Variants in DOP1B observed in about 807,000 individuals in gnomAD.
The protein encoded by DOP1B is protein DOP1B.
Under a neutral mutation model 233.5 loss-of-function variants are expected in DOP1B, and 174 were observed. The ratio of observed to expected loss-of-function variants is 0.75; its 90% CI spans 0.66 to 0.85. The LOEUF is 0.85. DOP1B is among the 40% of genes least tolerant of loss of function. DOP1B has a pLI of 0.00. For synonymous variants in DOP1B, 1,190 were observed against 1,185.6 expected (o/e 1.00, Z -0.08); for missense variants, 2,652 against 2,846.6 (o/e 0.93, Z 1.56).
intron 9 of DOP1B, among the ~76,000 whole-genome samples, chr21:36,216,882 C>G (rs2066565961): frequency 6.6e-6 from 1 of 152,014 alleles, no homozygotes; most frequent in Non-Finnish European, 1.5e-5. Context: ...TGAGACCAGT[C>G]TAGCCAATAT....
intron 2 of DOP1B, among the ~76,000 whole-genome samples, chr21:36,178,480 C>T (rs1332813976): frequency 6.6e-6 from 1 of 151,800 alleles, no homozygotes; most frequent in Non-Finnish European, 1.5e-5. Context: ...TTCCTCCCAC[C>T]TCCCACCATG....
At chr21:36,269,766 C>T (rs2067266261) in intron 26 of DOP1B, among the ~76,000 whole-genome samples, 1 of 151,300 alleles carries the variant, frequency 6.6e-6, no homozygotes, top group African/African-American at 2.4e-5. Flanking sequence ...CAAGTGATCC[C>T]CCTGCCTCAG....
At chr21:36,192,629 C>G (rs767318991) in intron 2 of DOP1B, among the ~76,000 whole-genome samples, 16 of 151,944 alleles carry the variant, frequency 1.1e-4, no homozygotes, top group Non-Finnish European at 1.8e-4. Context: ...AGTGATCTGT[C>G]CTTCTTGGCC....
chr21:36,215,224 G>A (rs1248193661), intron 9 of DOP1B, among the ~76,000 whole-genome samples: 3 of 151,938 alleles, frequency 2.0e-5, no homozygotes, highest in Non-Finnish European at 2.9e-5. Flanking sequence ...TTTTGCCTTG[G>A]GATCCTGGGC....
chr21:36,185,784 G>C (rs750957990), intron 2 of DOP1B, among the ~76,000 whole-genome samples: 2 of 152,242 alleles, frequency 1.3e-5, no homozygotes, highest in Non-Finnish European at 2.9e-5. Flanking sequence ...GCAAGACAGA[G>C]TGGCTTTGAG....
chr21:36,232,640 C>T (rs528596663), intron 14 of DOP1B, among the ~76,000 whole-genome samples, 164 bp from the exon 15 acceptor site: 1 of 152,112 alleles, frequency 6.6e-6, no homozygotes, highest in Non-Finnish European at 1.5e-5. Context: ...TCTGTAAGGA[C>T]CTTATTTCCA....
rs751821120 is a variant in DOP1B, at chr21:36,245,292, G to A, written c.3312G>A (p.Pro1104=). The part of the protein sequence containing the change: ...ELPDRTAHGA[P]DSSEHTESAD... ...CAGACAGGACGGCCCACGGCGCCCCGGACAGCAGCGAGCACACCGAGTCTG... is the reference window on the plus strand; with the variant it reads ...CAGACAGGACGGCCCACGGCGCCCCAGACAGCAGCGAGCACACCGAGTCTG... The change falls in exon 19 of 37, where the codon CCG becomes CCA. Residue 1104 remains proline, a synonymous_variant. Coordinates refer to ENST00000691173, the MANE Select transcript of DOP1B (RefSeq NM_001320714.2). This position sits in a 1 kb window ranked among gnomAD's most constrained non-coding sequence, Gnocchi z 5.5. The A allele has an allele frequency of 6.8e-6, 11 of 1,613,960 alleles. No homozygotes were observed. The highest frequency in any genetic ancestry group is 5.3e-5 in the African/African-American group (4 of 74,938).
At chr21:36,176,418 T>C (rs2066031477) in intron 2 of DOP1B, among the ~76,000 whole-genome samples, 1 of 152,134 alleles carries the variant, frequency 6.6e-6, no homozygotes, top group Non-Finnish European at 1.5e-5. Flanking sequence ...AGCTGCATCT[T>C]TCAGCCTGCA....
chr21:36,268,620 T>C (rs909468553), intron 26 of DOP1B, among the ~76,000 whole-genome samples: 1 of 152,230 alleles, frequency 6.6e-6, no homozygotes, highest in African/African-American at 2.4e-5. Context: ...ATGTCCATAT[T>C]AAAATGAAAT....
chr21:36,157,729 C>A (rs13048509), intron 1 of DOP1B, among the ~76,000 whole-genome samples: 6,586 of 152,238 alleles, frequency 0.043, 192 homozygotes, highest in Non-Finnish European at 0.064. Context: ...GTTGATTAAG[C>A]CCATTGGTGA....
At position 36,270,054 on chromosome 21, in the gene DOP1B, CG is replaced by C; in HGVS notation, c.5531del (p.Gly1844AlafsTer10). 1 of 1,614,040 alleles carries C rather than the reference CG, an allele frequency of 6.2e-7. No homozygotes were observed. On this transcript the variant is annotated frameshift_variant, in exon 27 of 37. Transcript: ENST00000691173. LOFTEE classifies it high-confidence loss of function. Reference protein sequence around the residue: ...KILEAVGNIAGSSLEQTSWLS... With the variant: ...KILEAVGNIAXSSLEQTSWLS... The stretch of plus-strand genomic sequence containing the variant: ...TCCTAGAAGCTGTGGGGAACATTGC[CG>C]GCTCTTCCTTGGAGCAAACCAGCTG...
intron 24 of DOP1B, 27 bp from the exon 25 acceptor site, chr21:36,263,519 T>G: frequency 6.3e-7 from 1 of 1,587,230 alleles, no homozygotes; most frequent in South Asian, 1.1e-5. Flanking sequence ...CGTGGTTGAG[T>G]ATTTTTCCTA....
chr21:36,225,938 C>T (rs1166359343), intron 12 of DOP1B, among the ~76,000 whole-genome samples: 2 of 152,202 alleles, frequency 1.3e-5, no homozygotes, highest in Non-Finnish European at 2.9e-5. Flanking sequence ...GTATCATTCC[C>T]GTACTACAGT....
intron 2 of DOP1B, among the ~76,000 whole-genome samples, chr21:36,174,211 G>A (rs1057335010): frequency 3.3e-5 from 5 of 152,220 alleles, no homozygotes; most frequent in African/African-American, 9.7e-5. Flanking sequence ...TGAGAGGCCA[G>A]GCGTGGTGGC....
At chr21:36,259,437 A>AT (rs1363807764) in intron 23 of DOP1B, among the ~76,000 whole-genome samples, 1 of 150,852 alleles carries the variant, frequency 6.6e-6, no homozygotes, top group Non-Finnish European at 1.5e-5. Flanking sequence ...TGCCCAGTTA[A>AT]TTTTTTTGTA....
intron 18 of DOP1B, 85 bp from the exon 19 acceptor site, chr21:36,244,962 TG>T: frequency 1.5e-6 from 2 of 1,353,396 alleles, no homozygotes; most frequent in African/African-American, 1.5e-5. Flanking sequence ...TCTTTCTGTC[TG>T]GCTTTAAGAC....
At position 36,227,074 on chromosome 21, in the gene DOP1B, G is replaced by A. The variant is rs965160440; in HGVS notation, c.1474-612G>A. ...ATACAAAAAGTTAGCCGGGTGTGGT[G>A]GCGGGCGCCTGTAGTCCCAGCTACT... On this transcript the variant is annotated intron_variant, in intron 12 of 36. Transcript: ENST00000691173. Among the ~76,000 whole-genome samples, 8 of 151,622 alleles carry A rather than the reference G, an allele frequency of 5.3e-5. No individual in the cohort carries two copies. In the East Asian group the frequency reaches 7.8e-4, roughly 15 times the overall value.
At chr21:36,263,890 C>A in intron 26 of DOP1B, 76 bp downstream of exon 26, 1 of 1,376,594 alleles carries the variant, frequency 7.3e-7, no homozygotes, top group Non-Finnish European at 1.0e-6. Flanking sequence ...TATCAGATAG[C>A]AGGTAGACAA....
intron 4 of DOP1B, among the ~76,000 whole-genome samples, chr21:36,204,456 C>A (rs1479022359): frequency 6.6e-6 from 1 of 152,044 alleles, no homozygotes; most frequent in South Asian, 2.1e-4. Context: ...ACAAATGGAC[C>A]CTTTACTGAG....
Sources: allele counts gnomAD v4.1 joint callset (sites outside exome capture counted in the v4.1 genomes callset), GRCh38; gene constraint gnomAD v4.1.1; non-coding constraint Gnocchi (gnomAD v3.1); transcripts MANE v1.5; gene names NCBI Gene and HGNC (gene_info 2026-07-23, HGNC 2026-07-21).